CCNJL: variants seen among roughly 807,000 people sequenced by gnomAD.
CCNJL encodes cyclin-J-like protein.
Under a neutral mutation model 33.4 loss-of-function variants are expected in CCNJL, and 33 were observed. The observed-to-expected ratio is 0.99, with a 90% CI of 0.75 to 1.32. The LOEUF (loss-of-function observed/expected upper bound fraction) is 1.32. Ranked by LOEUF, CCNJL falls within the 40% of genes most tolerant of loss-of-function variation. CCNJL has a pLI of 0.00. For missense variants in CCNJL, 512 were observed against 499.7 expected, an observed-to-expected ratio of 1.02 and a Z score of -0.23; for synonymous variants, 227 against 220.9, an observed-to-expected ratio of 1.03 and a Z score of -0.24.
At chr5:160,292,270 T>C (rs1762611971) in intron 2 of CCNJL, among the ~76,000 whole-genome samples, 1 of 152,204 alleles carries the variant, frequency 6.6e-6, no homozygotes, top group African/African-American at 2.4e-5. Context: ...AATAGTTTTA[T>C]AGAGCCTTAT....
chr5:160,280,766 AC>A, intron 2 of CCNJL, 28 bp from the exon 3 acceptor site: 3 of 1,484,072 alleles, frequency 2.0e-6, no homozygotes, highest in Middle Eastern at 1.7e-4. Flanking sequence ...CGGAGGGGTG[AC>A]GGTCAGGGCT....
intron 2 of CCNJL, among the ~76,000 whole-genome samples, chr5:160,300,654 T>C (rs1456018921): frequency 1.3e-5 from 2 of 152,158 alleles, no homozygotes; most frequent in Non-Finnish European, 1.5e-5. Flanking sequence ...ACCCCCGCTC[T>C]AGTCATTTTC....
chr5:160,253,434 C>T lies in CCNJL; in HGVS notation c.1108G>A (p.Gly370Arg), dbSNP rs750482616. ...TGGCTCCCACTGAAGTAGCTGCTTC[C>T]ATAGGTGGTGGCGAGGCAGTGCCTG... ...EPRHCLATTY[G>R]SSYFSGSHMF... Residue 370 changes from glycine (G) to arginine (R), a missense_variant, in exon 6 of 6, where the codon GGA (glycine) becomes AGA (arginine). By Grantham distance (125) the Gly-to-Arg change is moderately radical. Transcript: ENST00000257536. 2 of 1,609,386 alleles carry T rather than the reference C, an allele frequency of 1.2e-6. No individual in the cohort carries two copies. Among genetic ancestry groups the T allele is most frequent in the Non-Finnish European group, 1.7e-6 (2 of 1,177,030 alleles).
In CCNJL at chr5:160,251,564, A is replaced by G. The variant is rs1256747843; in HGVS notation, c.*1814T>C. On this transcript the variant is annotated 3_prime_UTR_variant, in exon 6 of 6. Transcript: ENST00000257536. ...GTCTTGCTGCTGCCCCCAATATTCC[A>G]CCCTCTACCATAGGGAGATGCTCAC... is the stretch of plus-strand genomic sequence containing the variant. 3 of 151,518 alleles carry G rather than the reference A, an allele frequency of 2.0e-5. No homozygotes were observed. The highest frequency in any genetic ancestry group is 7.3e-5 in the African/African-American group (3 of 41,140). The allele number at this position is 151,518 out of a possible 1,614,324, so 9.4% of individuals were successfully genotyped here.
At chr5:160,297,776 G>A (rs886545214) in intron 2 of CCNJL, among the ~76,000 whole-genome samples, 1 of 152,140 alleles carries the variant, frequency 6.6e-6, no homozygotes, top group Non-Finnish European at 1.5e-5. Flanking sequence ...AAGAATGACA[G>A]GACAAATGTG....
intron 1 of CCNJL, among the ~76,000 whole-genome samples, chr5:160,335,515 A>C (rs1207190560): frequency 6.6e-6 from 1 of 152,142 alleles, no homozygotes; most frequent in African/African-American, 2.4e-5. Context: ...ATCTTGCTAA[A>C]GCCAATGGTC....
chr5:160,304,822 C>CTT (rs10658968), intron 2 of CCNJL, among the ~76,000 whole-genome samples: 13 of 146,078 alleles, frequency 8.9e-5, no homozygotes, highest in Admixed American at 1.4e-4. Context: ...TACTTTCTTT[C>CTT]TTTTTTTTTT....
intron 1 of CCNJL, among the ~76,000 whole-genome samples, chr5:160,321,944 G>A (rs1012107197): frequency 9.9e-5 from 15 of 152,120 alleles, no homozygotes; most frequent in Non-Finnish European, 2.1e-4. Flanking sequence ...GATATTGATG[G>A]AATGGTCTTT....
At chr5:160,273,115 A>T (rs1761895403) in intron 3 of CCNJL, among the ~76,000 whole-genome samples, 1 of 152,204 alleles carries the variant, frequency 6.6e-6, no homozygotes, top group Non-Finnish European at 1.5e-5. Flanking sequence ...AATTCTTGTT[A>T]TTCATGTCAG....
At chr5:160,273,642 C>CTTTTTTTT (rs56869675) in intron 3 of CCNJL, among the ~76,000 whole-genome samples, 1 of 97,738 alleles carries the variant, frequency 1.0e-5, no homozygotes. Context: ...AGTGCCGCCA[C>CTTTTTTTT]TTTTTTTTTT....
intron 1 of CCNJL, among the ~76,000 whole-genome samples, chr5:160,320,625 G>A (rs1763428127): frequency 6.6e-6 from 1 of 152,186 alleles, no homozygotes; most frequent in Non-Finnish European, 1.5e-5. Flanking sequence ...TCCAGGGTGG[G>A]GAGCCCCTTC....
In CCNJL at chr5:160,252,608, G is replaced by T. The variant is rs984879919; in HGVS notation, c.*770C>A. On this transcript the variant is annotated 3_prime_UTR_variant, in exon 6 of 6. Transcript: ENST00000257536. ...GTGGTTACCTGCGGGTCCATCACAAGTTGGGTTCAAACTTGGGTTCCAAAT... is the reference window on the plus strand; with the variant it reads ...GTGGTTACCTGCGGGTCCATCACAATTTGGGTTCAAACTTGGGTTCCAAAT... 6.6e-6 allele frequency: 1 copy of T among 152,634 alleles called. No homozygotes were observed. Among genetic ancestry groups the T allele is most frequent in the Non-Finnish European group, 1.5e-5 (1 of 68,042 alleles). 9.5% of individuals were successfully genotyped at this position (152,634 alleles called of 1,614,324 possible).
intron 3 of CCNJL, among the ~76,000 whole-genome samples, chr5:160,274,274 C>T (rs566520318): frequency 1.1e-4 from 17 of 152,068 alleles, no homozygotes; most frequent in African/African-American, 4.1e-4. Context: ...GCCTGGCCAA[C>T]ATGGTGAAAC....
chr5:160,302,415 A>G (rs374182511), intron 2 of CCNJL, among the ~76,000 whole-genome samples: 5 of 152,258 alleles, frequency 3.3e-5, no homozygotes, highest in African/African-American at 1.2e-4. Context: ...AAATTTCCTG[A>G]GTGCCCACTA....
At chr5:160,293,493 G>A (rs1762651488) in intron 2 of CCNJL, among the ~76,000 whole-genome samples, 1 of 152,246 alleles carries the variant, frequency 6.6e-6, no homozygotes, top group East Asian at 1.9e-4. Flanking sequence ...AAAATACAGA[G>A]GAGCACAAAG....
Position 160,331,279 on chromosome 5 carries a change from G to A in CCNJL, n.206+8166C>T, listed in dbSNP as rs1360447706. Reference sequence around the variant, plus strand: ...TGCTCTGTCGCCCAGGCTGGAGTGCGGTGGCGTGATCTTGGCTCACTGCAA... The same window carrying A: ...TGCTCTGTCGCCCAGGCTGGAGTGCAGTGGCGTGATCTTGGCTCACTGCAA... On this transcript the variant is annotated intron_variant and non_coding_transcript_variant, in intron 1 of 7. Transcript: ENST00000377503. Among the ~76,000 whole-genome samples, 11 of 147,558 alleles carry A rather than the reference G, an allele frequency of 7.5e-5. 1 individual carries two copies. The highest frequency in any genetic ancestry group is 6.0e-4 in the East Asian group (3 of 5,010).
At position 160,291,066 on chromosome 5, in the gene CCNJL, GAA is replaced by G. The variant is rs1456375422; in HGVS notation, c.67-10330_67-10329del. On this transcript the variant is annotated intron_variant, in intron 2 of 5. Transcript: ENST00000257536. Reference sequence around the variant, plus strand: ...AAAAAAAAAAAAAAAAAAAAAGAAAGAAAGAGAGAGAGAAAGAAAGAAAGAAA... The same window carrying G: ...AAAAAAAAAAAAAAAAAAAAAGAAAGAGAGAGAGAGAAAGAAAGAAAGAAA... 1.8e-3 allele frequency among the ~76,000 whole-genome samples: 219 copies of G among 124,992 alleles called. 2 individuals are homozygous for G. The highest frequency in any genetic ancestry group is 6.3e-3 in the African/African-American group (205 of 32,442). 82.0% of individuals were successfully genotyped at this position (124,992 alleles called of 152,430 possible). A position where few individuals can be genotyped will look rare whatever the true frequency, so the allele number is the denominator to read the frequency against.
intron 2 of CCNJL, among the ~76,000 whole-genome samples, chr5:160,308,863 G>T (rs989738575): frequency 8.5e-5 from 13 of 152,372 alleles, no homozygotes; most frequent in African/African-American, 3.1e-4. Flanking sequence ...TGGAGAGGCA[G>T]CAATAGATTA....
chr5:160,271,968 T>C (rs1761851490), intron 3 of CCNJL, among the ~76,000 whole-genome samples: 2 of 152,200 alleles, frequency 1.3e-5, no homozygotes, highest in South Asian at 2.1e-4. Flanking sequence ...TTTAATTCTA[T>C]CAATAAATCT....
Sources: gnomAD v4.1 joint callset for allele counts (sites outside exome capture counted in the v4.1 genomes callset) on GRCh38, gnomAD v4.1.1 for gene constraint, MANE v1.5 for transcripts, NCBI Gene and HGNC (gene_info 2026-07-23, HGNC 2026-07-21) for gene names.